ART3: variants seen among roughly 807,000 people sequenced by gnomAD.
ART3 encodes the protein ecto-ADP-ribosyltransferase 3.
A neutral mutation model predicts 48.5 loss-of-function variants in ART3; 49 were observed. The ratio of observed to expected loss-of-function variants is 1.01; its 90% CI spans 0.80 to 1.28. The LOEUF (loss-of-function observed/expected upper bound fraction) is 1.28. ART3 is among the 50% of genes most tolerant of loss of function. ART3 has a pLI of 0.00. For synonymous variants in ART3, 145 were observed against 157.2 expected, an observed-to-expected ratio of 0.92 and a Z score of 0.58; for missense variants, 438 against 454.3, an observed-to-expected ratio of 0.96 and a Z score of 0.33.
chr4:76,065,807 T>A (rs1397732350), intron 1 of ART3, among the ~76,000 whole-genome samples: 3 of 151,882 alleles, frequency 2.0e-5, no homozygotes, highest in African/African-American at 7.2e-5. Flanking sequence ...TCATTATATA[T>A]TGAATGGTGT....
chr4:76,096,134 G>A (rs192631300), intron 3 of ART3, among the ~76,000 whole-genome samples: 6 of 152,268 alleles, frequency 3.9e-5, no homozygotes, highest in Admixed American at 3.9e-4. Context: ...TGTTGGCCAG[G>A]CTGGTGTCTA....
upstream of ART3, among the ~76,000 whole-genome samples, chr4:76,069,918 G>A (rs1293963452): frequency 6.6e-6 from 1 of 151,952 alleles, no homozygotes; most frequent in African/African-American, 2.4e-5. Context: ...GCCTCAGAGT[G>A]GAATTTCTGG....
At chr4:76,073,347 G>A (rs7666094), upstream of ART3, among the ~76,000 whole-genome samples, 31,371 of 152,038 alleles carry the variant, frequency 0.21, 5,515 homozygotes, top group African/African-American at 0.48. Flanking sequence ...AAGGCCTGAA[G>A]ACATGCAAAC....
intron 1 of ART3, among the ~76,000 whole-genome samples, chr4:76,048,519 T>TC (rs1278731526): frequency 3.3e-5 from 5 of 151,464 alleles, no homozygotes; most frequent in African/African-American, 4.8e-5. Context: ...ATTTTGTTTC[T>TC]CCCCCTGCCC....
chr4:76,048,400 G>A (rs1735718082), intron 1 of ART3, among the ~76,000 whole-genome samples: 1 of 151,746 alleles, frequency 6.6e-6, no homozygotes, highest in South Asian at 2.1e-4. Context: ...CTTTTTCAGG[G>A]TTAGTGGGTC....
At chr4:76,023,564 A>C in intron 1 of ART3, 1 of 779,534 alleles carries the variant, frequency 1.3e-6, no homozygotes, top group Non-Finnish European at 2.2e-6. Context: ...TTCTGATTGG[A>C]TAAGGGCATT....
upstream of ART3, among the ~76,000 whole-genome samples, chr4:76,073,494 A>C (rs1243150219): frequency 6.6e-6 from 1 of 152,174 alleles, no homozygotes; most frequent in Non-Finnish European, 1.5e-5. Context: ...CTCTATTCTA[A>C]AGAGTAGAGT....
chr4:76,035,962 G>A, intron 1 of ART3: 3 of 1,613,904 alleles, frequency 1.9e-6, no homozygotes, highest in South Asian at 2.2e-5. Flanking sequence ...CACAGCCAAG[G>A]CTATAGCCAT....
upstream of ART3, among the ~76,000 whole-genome samples, chr4:76,070,713 G>T (rs7693456): frequency 0.21 from 31,399 of 152,046 alleles, 5,525 homozygotes; most frequent in African/African-American, 0.48. Context: ...TTTTCTAGAT[G>T]ACTATTTCAT....
chr4:76,039,060 T>C (rs1244293670), intron 1 of ART3, among the ~76,000 whole-genome samples: 1 of 152,044 alleles, frequency 6.6e-6, no homozygotes, highest in Non-Finnish European at 1.5e-5. Context: ...CCTCAACTTT[T>C]TGAGGCTATT....
At chr4:76,104,299 C>G (rs945359629) in intron 9 of ART3, 4 of 955,686 alleles carry the variant, frequency 4.2e-6, no homozygotes, top group Non-Finnish European at 5.0e-6. Context: ...TACCTTTACG[C>G]ACAAGTTGAC....
At chr4:76,021,987 T>G (rs1445234324) in intron 1 of ART3, 1 of 1,555,688 alleles carries the variant, frequency 6.4e-7, no homozygotes, top group Non-Finnish European at 8.9e-7. Context: ...TGTGATAGTC[T>G]GACTCTGGCT....
At chr4:76,062,332 A>G (rs1719293702) in intron 1 of ART3, among the ~76,000 whole-genome samples, 1 of 152,178 alleles carries the variant, frequency 6.6e-6, no homozygotes, top group Admixed American at 6.5e-5. Flanking sequence ...GGGGTTTCCA[A>G]CCTTGGGAAA....
chr4:76,084,710 A>G (rs1310960181), intron 3 of ART3, among the ~76,000 whole-genome samples: 3 of 152,170 alleles, frequency 2.0e-5, no homozygotes, highest in South Asian at 4.1e-4. Flanking sequence ...TCTGCAATCT[A>G]TGAAAGGTGG....
chr4:76,054,058 A>T (rs1317021249), intron 1 of ART3, among the ~76,000 whole-genome samples: 1 of 152,226 alleles, frequency 6.6e-6, no homozygotes, highest in Non-Finnish European at 1.5e-5. Flanking sequence ...CAAGCGACTA[A>T]CTGAAGGAAG....
At chr4:76,069,671 T>A (rs1030417252) in intron 1 of ART3, among the ~76,000 whole-genome samples, 6 of 152,134 alleles carry the variant, frequency 3.9e-5, no homozygotes, top group Non-Finnish European at 7.4e-5. Flanking sequence ...ATTACAGGCA[T>A]GAGCCACTGC....
At chr4:76,072,726 A>T (rs1720447101), upstream of ART3, among the ~76,000 whole-genome samples, 1 of 142,926 alleles carries the variant, frequency 7.0e-6, no homozygotes, top group African/African-American at 2.9e-5. Context: ...GCAGAGATTG[A>T]CATGGTCTTC....
chr4:76,088,542 A>G (rs1335966864), intron 3 of ART3, among the ~76,000 whole-genome samples: 1 of 152,148 alleles, frequency 6.6e-6, no homozygotes, highest in Non-Finnish European at 1.5e-5. Flanking sequence ...TTTATTTGTT[A>G]TAAATCTACC....
chr4:76,108,472 G>A (rs1007048086), intron 11 of ART3, among the ~76,000 whole-genome samples: 3 of 152,046 alleles, frequency 2.0e-5, no homozygotes, highest in Non-Finnish European at 4.4e-5. Context: ...AAGTTGTGCA[G>A]GAAGTTGGTC....
Sources: gnomAD v4.1 joint callset for allele counts (sites outside exome capture counted in the v4.1 genomes callset) on GRCh38, gnomAD v4.1.1 for gene constraint, MANE v1.5 for transcripts, NCBI Gene and HGNC (gene_info 2026-07-23, HGNC 2026-07-21) for gene names.